The following RGS14 variants were observed in gnomAD, a reference collection of about 807,000 sequenced individuals.
RGS14 encodes the protein regulator of G protein signaling 14, also known as regulator of G-protein signaling 14.
Under a neutral mutation model 63.8 loss-of-function variants are expected in RGS14, and 33 were observed. The ratio of observed to expected loss-of-function variants is 0.52; its 90% CI spans 0.39 to 0.69. The LOEUF (loss-of-function observed/expected upper bound fraction) is 0.69. Ranked by LOEUF, RGS14 falls within the 30% of genes least tolerant of loss-of-function variation. The probability of loss-of-function intolerance (pLI) is 0.00; values close to 1 mark genes in which losing one functional copy is unlikely to be tolerated. For synonymous variants in RGS14, 296 were observed against 320.9 expected (o/e 0.92, Z 0.83); for missense variants, 739 against 742.9 (o/e 0.99, Z 0.06).
Position 177,366,174 on chromosome 5 carries a change from C to A in RGS14, c.68-3C>A. On this transcript the variant is annotated splice_region_variant and splice_polypyrimidine_tract_variant and intron_variant, in intron 2 of 14. Coordinates refer to ENST00000408923, the MANE Select transcript of RGS14 (RefSeq NM_006480.5). ...TCACCCCAACTTGTCCATCCCCCTG[C>A]AGAGCTGAGCAGCACGACGGGGCCC... 1 of 1,604,032 alleles carries A rather than the reference C, an allele frequency of 6.2e-7. No individual in the cohort carries two copies. Among genetic ancestry groups the A allele is most frequent in the Non-Finnish European group, 8.5e-7 (1 of 1,175,484 alleles).
intron 6 of RGS14, 38 bp from the exon 7 acceptor site, chr5:177,367,676 G>C: frequency 6.3e-7 from 1 of 1,599,904 alleles, no homozygotes; most frequent in Middle Eastern, 1.8e-4. Context: ...TGCGGGCTGG[G>C]GCCCAGCCCG....
At position 177,366,219 on chromosome 5, in the gene RGS14, G is replaced by A. The variant is rs375637487; in HGVS notation, c.110G>A (p.Arg37His). The part of the protein sequence containing the change: ...TTGPQGQGEG[R>H]GSSLSIHSLP... ...GGGCCCCAGGGCCAGGGCGAGGGCC[G>A]CGGCAGCTCTCTCAGCATCCACAGC... is the stretch of plus-strand genomic sequence containing the variant. The change falls in exon 3 of 15, where the codon CGC becomes CAC. Residue 37 changes from arginine to histidine, a missense_variant. Coordinates refer to ENST00000408923, the MANE Select transcript of RGS14 (RefSeq NM_006480.5). The A allele has an allele frequency of 1.4e-5, 22 of 1,603,598 alleles. No homozygotes were observed. Among genetic ancestry groups the A allele is most frequent in the African/African-American group, 4.0e-5 (3 of 74,846 alleles).
intron 8 of RGS14, 66 bp downstream of exon 8, chr5:177,368,332 G>A (rs900761237): frequency 2.0e-6 from 3 of 1,482,586 alleles, no homozygotes; most frequent in African/African-American, 1.4e-5. Context: ...GCCCATTTAC[G>A]TGGTGGCCCT....
In RGS14 at chr5:177,371,208, C is replaced by T. The variant is rs369096976; in HGVS notation, c.1298C>T (p.Ser433Leu). The change falls in exon 12 of 15, where the codon TCG (serine) becomes TTG (leucine). Residue 433 changes from serine (S) to leucine (L), a missense_variant. Physicochemically the swap from Ser to Leu is moderately radical, Grantham distance 145. Transcript: ENST00000408923. The surrounding 1 kb of genome is among the most constrained non-coding windows in gnomAD (Gnocchi z 6.1). Reference protein sequence around the residue: ...QPLDLGKLVSSVAAQRLVLDT... With the variant: ...QPLDLGKLVSLVAAQRLVLDT... ...CTGGATCTGGGGAAGCTAGTGAGCT[C>T]GGTGGCGGCCCAGAGACTGGTTTTG... The T allele has an allele frequency of 1.9e-6, 3 of 1,613,758 alleles. No individual in the cohort carries two copies. The highest frequency in any genetic ancestry group is 1.3e-5 in the African/African-American group (1 of 74,984).
rs564411174 is a variant in RGS14, at chr5:177,367,542, T to A, written c.612T>A (p.Pro204=). ...CTGGCTCCTCGCGCCTCGGCAGCCC[T>A]GACGCCACGAGGAAGGTGCGTGGGA... The part of the protein sequence containing the change: ...REPGSSRLGS[P]DATRKKPKLK... Residue 204 remains proline (P), a synonymous_variant, in exon 6 of 15, where the codon CCT becomes CCA. Coordinates refer to ENST00000408923, the MANE Select transcript of RGS14 (RefSeq NM_006480.5). The A allele has an allele frequency of 3.1e-6, 5 of 1,610,208 alleles. No homozygotes were observed. Among genetic ancestry groups the A allele is most frequent in the African/African-American group, 2.7e-5 (2 of 74,842 alleles).
At chr5:177,366,143 C>A (rs748845168) in intron 2 of RGS14, 34 bp from the exon 3 acceptor site, 3 of 1,600,318 alleles carry the variant, frequency 1.9e-6, no homozygotes, top group Admixed American at 3.4e-5. Flanking sequence ...GGGAAGGCAG[C>A]AAGGCTCACC....
In RGS14 at chr5:177,368,194, G is replaced by A; in HGVS notation, c.777G>A (p.Glu259=). The change falls in exon 8 of 15, where the codon GAG becomes GAA. Residue 259 remains glutamate (E), a synonymous_variant. Transcript: ENST00000408923. ...GGTANAALRR[E]SQGSLNSSAS... ...CTGCAAACGCCGCCTTGCGCCGAGA[G>A]TCTCAGGGCTCCCTCAACTCCTCCG... is the stretch of plus-strand genomic sequence containing the variant. 1 of 1,613,960 alleles carries A rather than the reference G, an allele frequency of 6.2e-7. No individual in the cohort carries two copies. The highest frequency in any genetic ancestry group is 8.5e-7 in the Non-Finnish European group (1 of 1,179,922).
At position 177,358,517 on chromosome 5, in the gene RGS14, C is replaced by T. The variant is rs1037417389; in HGVS notation, c.45+448C>T. ...CAGCTCTTGCTGGGTCGGTGTCCTC[C>T]AGCCGGAGCTACTCCAGAGGCTTCC... On this transcript the variant is annotated intron_variant, in intron 1 of 14. Coordinates refer to ENST00000408923, the MANE Select transcript of RGS14 (RefSeq NM_006480.5). This position sits in a 1 kb window ranked among gnomAD's most constrained non-coding sequence, Gnocchi z 4.8. Among the ~76,000 whole-genome samples, 2 of 152,236 alleles carry T rather than the reference C, an allele frequency of 1.3e-5. No homozygotes were observed. Among genetic ancestry groups the T allele is most frequent in the Admixed American group, 6.5e-5 (1 of 15,286 alleles).
At chr5:177,369,542 G>A (rs1179446591) in intron 9 of RGS14, among the ~76,000 whole-genome samples, 1 of 152,238 alleles carries the variant, frequency 6.6e-6, no homozygotes, top group African/African-American at 2.4e-5. Context: ...AGCCAAGCAG[G>A]GAGTGATCAG....
In RGS14 at chr5:177,371,065, G is replaced by C; in HGVS notation, c.1254+34G>C. On this transcript the variant is annotated intron_variant, in intron 11 of 14. Transcript: ENST00000408923. This position sits in a 1 kb window ranked among gnomAD's most constrained non-coding sequence, Gnocchi z 6.1. ...CCGGGCCGCGGGGCGGGGCGGGGCGGGGCCGGGCCGGGGCCGGGGCCGGGG... is the reference window on the plus strand; with the variant it reads ...CCGGGCCGCGGGGCGGGGCGGGGCGCGGCCGGGCCGGGGCCGGGGCCGGGG... 2.9e-6 allele frequency: 2 copies of C among 680,798 alleles called. No individual in the cohort carries two copies. The highest frequency in any genetic ancestry group is 3.5e-6 in the Non-Finnish European group (2 of 565,968). The allele number at this position is 680,798 out of a possible 1,614,324, so 42.2% of individuals were successfully genotyped here. A position where few individuals can be genotyped will look rare whatever the true frequency, so the allele number is the denominator to read the frequency against.
At position 177,364,811 on chromosome 5, in the gene RGS14, T is replaced by C. The variant is rs1762053619; in HGVS notation, c.46-1152T>C. ...ATTGGGATTCCCAGAGAAACCAGAG[T>C]TGTGCACTGGGGGCAAGGATGGAGT... On this transcript the variant is annotated intron_variant, in intron 1 of 14. Transcript: ENST00000408923. This position sits in a 1 kb window ranked among gnomAD's most constrained non-coding sequence, Gnocchi z 4.6. 6.6e-6 allele frequency among the ~76,000 whole-genome samples: 1 copy of C among 152,058 alleles called. No individual in the cohort carries two copies. Among genetic ancestry groups the C allele is most frequent in the Admixed American group, 6.5e-5 (1 of 15,274 alleles).
chr5:177,363,082 C>T (rs553432511), intron 1 of RGS14, among the ~76,000 whole-genome samples: 4 of 152,156 alleles, frequency 2.6e-5, no homozygotes, highest in South Asian at 2.1e-4. Context: ...CTGGGAACAC[C>T]GTGGCGGTGC....
Position 177,367,709 on chromosome 5 carries a change from C to T in RGS14, c.628-5C>T, listed in dbSNP as rs768391152. 1 of 1,611,864 alleles carries T rather than the reference C, an allele frequency of 6.2e-7. No homozygotes were observed. Among genetic ancestry groups the T allele is most frequent in the Admixed American group, 1.7e-5 (1 of 59,732 alleles). Reference sequence around the variant, plus strand: ...CCGGTGCCAGCGCCTCCCCTGTACCCACAGAAGCCGAAGCTGAAGCCCGGG... The same window carrying T: ...CCGGTGCCAGCGCCTCCCCTGTACCTACAGAAGCCGAAGCTGAAGCCCGGG... On this transcript the variant is annotated splice_polypyrimidine_tract_variant and splice_region_variant and intron_variant, in intron 6 of 14. Coordinates refer to ENST00000408923, the MANE Select transcript of RGS14 (RefSeq NM_006480.5).
At chr5:177,370,727 G>A (rs1178006549) in intron 10 of RGS14, 63 bp downstream of exon 10, 1 of 1,581,524 alleles carries the variant, frequency 6.3e-7, no homozygotes, top group African/African-American at 1.3e-5. Context: ...CCCTGTTCTA[G>A]CTACCTGGCT....
rs748969782 is a variant in RGS14, at chr5:177,366,215, G to A, written c.106G>A (p.Gly36Ser). 6.2e-7 allele frequency: 1 copy of A among 1,605,016 alleles called. No individual in the cohort carries two copies. The highest frequency in any genetic ancestry group is 8.5e-7 in the Non-Finnish European group (1 of 1,176,924). ...GACGGGGCCCCAGGGCCAGGGCGAGGGCCGCGGCAGCTCTCTCAGCATCCA... is the reference window on the plus strand; with the variant it reads ...GACGGGGCCCCAGGGCCAGGGCGAGAGCCGCGGCAGCTCTCTCAGCATCCA... ...STTGPQGQGE[G>S]RGSSLSIHSL... is the part of the protein sequence containing the mutation. Residue 36 changes from glycine (G) to serine (S), a missense_variant, in exon 3 of 15, where the codon GGC (glycine) becomes AGC (serine). Coordinates refer to ENST00000408923, the MANE Select transcript of RGS14 (RefSeq NM_006480.5).
At chr5:177,361,828 C>T (rs1761972106) in intron 1 of RGS14, among the ~76,000 whole-genome samples, 1 of 152,162 alleles carries the variant, frequency 6.6e-6, no homozygotes, top group African/African-American at 2.4e-5. Flanking sequence ...AGCCTGGGTC[C>T]GTGTGTCACT....
At position 177,365,993 on chromosome 5, in the gene RGS14, C is replaced by A; in HGVS notation, c.67+9C>A. The A allele has an allele frequency of 6.2e-7, 1 of 1,613,708 alleles. No individual in the cohort carries two copies. Among genetic ancestry groups the A allele is most frequent in the Non-Finnish European group, 8.5e-7 (1 of 1,179,690 alleles). On this transcript the variant is annotated intron_variant, in intron 2 of 14. Transcript: ENST00000408923. The stretch of plus-strand genomic sequence containing the variant: ...GGCTGTGTCAGATGGAGGTAAGTGA[C>A]AGAATGTGTGGAGAACTGGCTGAGT...
Position 177,366,338 on chromosome 5 carries a change from G to A in RGS14, c.229G>A (p.Gly77Ser). The change falls in exon 3 of 15, where the codon GGC becomes AGC. Residue 77 changes from glycine to serine, a missense_variant. Physicochemically the swap from Gly to Ser is moderately conservative, Grantham distance 56 (BLOSUM62 0). Transcript: ENST00000408923. Reference sequence around the variant, plus strand: ...CGAGCGGCTGTTGCAGGACCCGCTGGGCCTGGCTTACTTCACTGTAAGCCT... The same window carrying A: ...CGAGCGGCTGTTGCAGGACCCGCTGAGCCTGGCTTACTTCACTGTAAGCCT... The part of the protein sequence containing the change: ...SFERLLQDPL[G>S]LAYFTEFLKK... 1 of 1,548,572 alleles carries A rather than the reference G, an allele frequency of 6.5e-7. No individual in the cohort carries two copies. The highest frequency in any genetic ancestry group is 1.2e-5 in the South Asian group (1 of 83,858).
Position 177,370,945 on chromosome 5 carries a change from G to A in RGS14, c.1168G>A (p.Ala390Thr). 6.2e-7 allele frequency: 1 copy of A among 1,608,118 alleles called. No homozygotes were observed. The highest frequency in any genetic ancestry group is 1.1e-5 in the South Asian group (1 of 91,020). Residue 390 changes from alanine (A) to threonine (T), a missense_variant, in exon 11 of 15, where the codon GCC becomes ACC. Transcript: ENST00000408923. Reference protein sequence around the residue: ...TALERVVRISAKPTKRLQEAL... With the variant: ...TALERVVRISTKPTKRLQEAL... ...GCTGGAGCGCGTGGTACGAATCTCA[G>A]CCAAGCCCACCAAGCGGCTGCAGGA...
Sources: gnomAD v4.1 joint callset for allele counts (sites outside exome capture counted in the v4.1 genomes callset) on GRCh38, gnomAD v4.1.1 for gene constraint, Gnocchi (gnomAD v3.1) non-coding constraint, MANE v1.5 for transcripts, NCBI Gene and HGNC (gene_info 2026-07-23, HGNC 2026-07-21) for gene names.